Variants in ARID3A observed in about 807,000 individuals in gnomAD.
ARID3A encodes AT-rich interactive domain-containing protein 3A.
ARID3A carries 11 observed loss-of-function variants against 52.7 expected under a neutral mutation model. That is an observed-to-expected ratio of 0.21 (90% CI 0.13 to 0.35). The LOEUF is 0.35. ARID3A is among the 10% of genes least tolerant of loss of function. The pLI, the probability that ARID3A is intolerant of heterozygous loss-of-function variation, is 1.00. For synonymous variants in ARID3A, 404 were observed against 359.4 expected (o/e 1.12, Z -1.40); for missense variants, 721 against 838.5 (o/e 0.86, Z 1.73).
chr19:953,943 C>T (rs1212323017), intron 3 of ARID3A, among the ~76,000 whole-genome samples: 2 of 152,164 alleles, frequency 1.3e-5, no homozygotes, highest in Non-Finnish European at 2.9e-5. Context: ...CGTGGTGGTG[C>T]CTGCCTGTGG....
In ARID3A at chr19:947,835, C is replaced by T. The variant is rs1195877526; in HGVS notation, c.694-12257C>T. Among the ~76,000 whole-genome samples, 1 of 152,234 alleles carries T rather than the reference C, an allele frequency of 6.6e-6. No individual in the cohort carries two copies. The highest frequency in any genetic ancestry group is 1.5e-5 in the Non-Finnish European group (1 of 68,028). ...GGGAGTGGAGCCGGCAGATGTTCGG[C>T]CCTGCCCAGAATCACTTCCCCAATT... On this transcript the variant is annotated intron_variant, in intron 3 of 8. Transcript: ENST00000263620. This position sits in a 1 kb window ranked among gnomAD's most constrained non-coding sequence, Gnocchi z 6.3.
chr19:934,670 G>A (rs111248473), intron 3 of ARID3A, among the ~76,000 whole-genome samples: 6 of 152,258 alleles, frequency 3.9e-5, no homozygotes, highest in South Asian at 2.1e-4. Flanking sequence ...ACCGGGTGCC[G>A]CCTCTGGGTC....
At chr19:932,340 G>A in intron 2 of ARID3A, 78 bp from the exon 3 acceptor site, 2 of 1,559,444 alleles carry the variant, frequency 1.3e-6, no homozygotes, top group Non-Finnish European at 1.7e-6. Flanking sequence ...AACTGAGGCT[G>A]GGCGGGGAGT....
rs533720923 is a variant in ARID3A, at chr19:929,481, C to CGTGGTGGTG, written c.-25_-17dup. The CGTGGTGGTG allele has an allele frequency of 1.1e-5, 16 of 1,392,708 alleles. No homozygotes were observed. Among genetic ancestry groups the CGTGGTGGTG allele is most frequent in the South Asian group, 4.0e-5 (3 of 75,688 alleles). The allele number at this position is 1,392,708 out of a possible 1,614,324, so 86.3% of individuals were successfully genotyped here. ...GCCCCCGCCGCCCACCCCTAGCGCC[C>CGTGGTGGTG]GTGGTGGTGGTGGTGGTGGTGGTGG... is the stretch of plus-strand genomic sequence containing the variant. On this transcript the variant is annotated 5_prime_UTR_variant, in exon 2 of 9. Transcript: ENST00000263620. The surrounding 1 kb of genome is among the most constrained non-coding windows in gnomAD (Gnocchi z 6.2).
intron 3 of ARID3A, among the ~76,000 whole-genome samples, chr19:950,571 A>G (rs920057240): frequency 1.3e-5 from 2 of 152,138 alleles, no homozygotes; most frequent in African/African-American, 4.8e-5. Flanking sequence ...GCGCGTGGGG[A>G]CCGGCAGGCA....
Position 960,895 on chromosome 19 carries a change from A to G in ARID3A, c.766+731A>G, listed in dbSNP as rs2038026694. Among the ~76,000 whole-genome samples the G allele has an allele frequency of 6.6e-6, 1 of 152,154 alleles. No homozygotes were observed. The highest frequency in any genetic ancestry group is 1.5e-5 in the Non-Finnish European group (1 of 68,014). Reference sequence around the variant, plus strand: ...GGTGGGGAAACTGAGGTCCAGACACAAGACAGACTCAGACGACCAAGGGTA... The same window carrying G: ...GGTGGGGAAACTGAGGTCCAGACACGAGACAGACTCAGACGACCAAGGGTA... On this transcript the variant is annotated intron_variant, in intron 4 of 8. Coordinates refer to ENST00000263620, the MANE Select transcript of ARID3A (RefSeq NM_005224.3). This position sits in a 1 kb window ranked among gnomAD's most constrained non-coding sequence, Gnocchi z 4.3.
chr19:967,975 G>A (rs1278087666), intron 7 of ARID3A, among the ~76,000 whole-genome samples: 1 of 151,336 alleles, frequency 6.6e-6, no homozygotes, highest in African/African-American at 2.4e-5. Flanking sequence ...AACCCTGGAG[G>A]TGGAGGTTGC....
intron 2 of ARID3A, among the ~76,000 whole-genome samples, chr19:930,162 T>C (rs1337007659): frequency 6.6e-6 from 1 of 152,000 alleles, no homozygotes; most frequent in Non-Finnish European, 1.5e-5. Flanking sequence ...CTGGGGAGGC[T>C]GAGGCAGGAG....
chr19:936,342 C>T (rs2037438741), intron 3 of ARID3A, among the ~76,000 whole-genome samples: 1 of 151,240 alleles, frequency 6.6e-6, no homozygotes, highest in Admixed American at 6.6e-5. Context: ...AGCCTGAGCC[C>T]AGGAGTTCTA....
chr19:940,562 G>A (rs1391893857), intron 3 of ARID3A, among the ~76,000 whole-genome samples: 1 of 152,094 alleles, frequency 6.6e-6, no homozygotes, highest in South Asian at 2.1e-4. Context: ...CTGGGCTTCT[G>A]GGGCCTGAGA....
chr19:931,329 T>C (rs2037321573), intron 2 of ARID3A, among the ~76,000 whole-genome samples: 2 of 151,432 alleles, frequency 1.3e-5, no homozygotes, highest in Non-Finnish European at 2.9e-5. Context: ...GGCTCATGCC[T>C]GTAATCCCAG....
At chr19:933,593 G>A (rs2037377638) in intron 3 of ARID3A, among the ~76,000 whole-genome samples, 2 of 152,134 alleles carry the variant, frequency 1.3e-5, no homozygotes, top group South Asian at 4.1e-4. Context: ...TGCCTGCCTC[G>A]GGGCAGCCCC....
chr19:932,375 G>C (rs575310856), intron 2 of ARID3A, 43 bp from the exon 3 acceptor site: 1 of 1,579,840 alleles, frequency 6.3e-7, no homozygotes, highest in East Asian at 2.3e-5. Context: ...GCTGGGACGA[G>C]CCAGCACCTT....
Position 929,652 on chromosome 19 carries a change from G to C in ARID3A, c.124G>C (p.Ala42Pro), listed in dbSNP as rs984404034. 2.5e-5 allele frequency: 39 copies of C among 1,538,722 alleles called. No individual in the cohort carries two copies. The highest frequency in any genetic ancestry group is 2.5e-4 in the African/African-American group (18 of 73,418). Residue 42 changes from alanine to proline, a missense_variant, in exon 2 of 9, where the codon GCC becomes CCC. Ala to Pro is a conservative substitution (Grantham distance 27). Coordinates refer to ENST00000263620, the MANE Select transcript of ARID3A (RefSeq NM_005224.3). The surrounding 1 kb of genome is among the most constrained non-coding windows in gnomAD (Gnocchi z 6.2). The part of the protein sequence containing the change: ...PAAPPGRARA[A>P]PDEDREPESA... ...TGCACCCCCCGGCCGGGCCCGGGCT[G>C]CCCCCGACGAGGACAGAGAGCCCGA...
chr19:946,130 C>T (rs1170482445), intron 3 of ARID3A, among the ~76,000 whole-genome samples: 3 of 152,058 alleles, frequency 2.0e-5, no homozygotes, highest in South Asian at 4.1e-4. Flanking sequence ...GTCTGGGGGG[C>T]GGGGACCCTG....
chr19:945,360 G>A (rs1330892711), intron 3 of ARID3A, among the ~76,000 whole-genome samples: 1 of 152,212 alleles, frequency 6.6e-6, no homozygotes, highest in Non-Finnish European at 1.5e-5. Flanking sequence ...AACTCCTGTA[G>A]AGAGGGGACG....
chr19:957,549 C>G (rs2145433609), intron 3 of ARID3A, among the ~76,000 whole-genome samples: 1 of 152,286 alleles, frequency 6.6e-6, no homozygotes, highest in Admixed American at 6.5e-5. Context: ...ATTGTGTCCC[C>G]CAAAGAAAAG....
In ARID3A at chr19:973,681, C is replaced by T. The variant is rs1568378747; in HGVS notation, c.*1616C>T. On this transcript the variant is annotated 3_prime_UTR_variant, in exon 9 of 9. Coordinates refer to ENST00000263620, the MANE Select transcript of ARID3A (RefSeq NM_005224.3). ...CAACATTCTCCTCGCTCTGTCCCTT[C>T]CTCTTCTCCCAACCCCTTTTGTGCT... The T allele has an allele frequency of 4.4e-6, 1 of 227,424 alleles. No individual in the cohort carries two copies. The highest frequency in any genetic ancestry group is 8.7e-6 in the Non-Finnish European group (1 of 114,388). 14.1% of individuals were successfully genotyped at this position (227,424 alleles called of 1,614,324 possible). A position where few individuals can be genotyped will look rare whatever the true frequency, so the allele number is the denominator to read the frequency against.
chr19:944,282 G>A lies in ARID3A; in HGVS notation c.693+11540G>A, dbSNP rs534377379. On this transcript the variant is annotated intron_variant, in intron 3 of 8. Coordinates refer to ENST00000263620, the MANE Select transcript of ARID3A (RefSeq NM_005224.3). This position sits in a 1 kb window ranked among gnomAD's most constrained non-coding sequence, Gnocchi z 5.9. ...CCTGTCTCGCCGTTATCTCCCAGGC[G>A]TGTCTGCTCCCCGTGTGTCTGGCTG... Among the ~76,000 whole-genome samples the A allele has an allele frequency of 1.9e-4, 29 of 152,310 alleles. No individual in the cohort carries two copies. The highest frequency in any genetic ancestry group is 6.0e-4 in the African/African-American group (25 of 41,568).
Sources: allele counts gnomAD v4.1 joint callset (sites outside exome capture counted in the v4.1 genomes callset), GRCh38; gene constraint gnomAD v4.1.1; non-coding constraint Gnocchi (gnomAD v3.1); transcripts MANE v1.5; gene names NCBI Gene and HGNC (gene_info 2026-07-23, HGNC 2026-07-21).